NEK6: variants seen among roughly 807,000 people sequenced by gnomAD.
NEK6 encodes serine/threonine-protein kinase Nek6.
NEK6 carries 27 observed loss-of-function variants against 43.5 expected under a neutral mutation model. The ratio of observed to expected loss-of-function variants is 0.62; its 90% CI spans 0.46 to 0.86. NEK6 has a LOEUF of 0.86. NEK6 is among the 40% of genes least tolerant of loss of function. The probability of loss-of-function intolerance (pLI) is 0.00; values close to 1 mark genes in which losing one functional copy is unlikely to be tolerated. For synonymous variants in NEK6, 167 were observed against 164.1 expected (o/e 1.02, Z -0.14); for missense variants, 318 against 414.4 (o/e 0.77, Z 2.02).
chr9:124,300,781 A>G (rs1373774906), intron 1 of NEK6, among the ~76,000 whole-genome samples: 1 of 149,028 alleles, frequency 6.7e-6, no homozygotes, highest in African/African-American at 2.5e-5. Context: ...CAGCTGTTGA[A>G]TAAGGGCCAC....
chr9:124,310,034 G>T (rs1833451816), intron 2 of NEK6, among the ~76,000 whole-genome samples: 1 of 152,202 alleles, frequency 6.6e-6, no homozygotes, highest in Non-Finnish European at 1.5e-5. Context: ...AGCAGGAAGT[G>T]GCAGGCCTGG....
rs1024712965 is a variant in NEK6 at position 124,321,856 on chromosome 9, C to T, written c.405+287C>T. Among the ~76,000 whole-genome samples the T allele has an allele frequency of 4.2e-4, 64 of 152,206 alleles. 1 individual carries two copies. Among genetic ancestry groups the T allele is most frequent in the Admixed American group, 4.2e-3 (64 of 15,288 alleles). ...TGCAAAAGCAAGGCGAAGGTGGTGCCAAGACAGGATGGTGGCTGGGAGGGG... is the reference window on the plus strand; with the variant it reads ...TGCAAAAGCAAGGCGAAGGTGGTGCTAAGACAGGATGGTGGCTGGGAGGGG... On this transcript the variant is annotated intron_variant, in intron 5 of 9. Coordinates refer to ENST00000320246, the MANE Select transcript of NEK6 (RefSeq NM_014397.6).
intron 1 of NEK6, among the ~76,000 whole-genome samples, chr9:124,287,886 G>A (rs1438563114): frequency 6.6e-6 from 1 of 152,204 alleles, no homozygotes; most frequent in African/African-American, 2.4e-5. Context: ...CATGAGCCCT[G>A]TGATCATGAG....
At chr9:124,309,688 C>CT (rs879423397) in intron 2 of NEK6, among the ~76,000 whole-genome samples, 1 of 152,228 alleles carries the variant, frequency 6.6e-6, no homozygotes, top group African/African-American at 2.4e-5. Flanking sequence ...TAGTAGGCGT[C>CT]TAACGTACAA....
At chr9:124,281,353 C>G (rs1403152466) in intron 1 of NEK6, among the ~76,000 whole-genome samples, 1 of 152,216 alleles carries the variant, frequency 6.6e-6, no homozygotes, top group East Asian at 1.9e-4. Context: ...AGCACAGTGG[C>G]CTGAGTCCAC....
intron 1 of NEK6, among the ~76,000 whole-genome samples, chr9:124,294,353 T>C (rs894273346): frequency 2.0e-5 from 3 of 152,148 alleles, no homozygotes; most frequent in African/African-American, 4.8e-5. Context: ...AGTTTCTTTC[T>C]GTAATTGCTC....
chr9:124,257,929 G>A (rs1179803985), upstream of NEK6: 4 of 975,290 alleles, frequency 4.1e-6, no homozygotes, highest in African/African-American at 3.5e-5. Flanking sequence ...GCGGGCGCGC[G>A]GGCGCGCGGG....
chr9:124,339,803 G>A, intron 8 of NEK6, 138 bp downstream of exon 8: 1 of 679,322 alleles, frequency 1.5e-6, no homozygotes, highest in Admixed American at 2.1e-5. Context: ...TACCACCAGG[G>A]CCCTGTCCTT....
rs1018924197 is a variant in NEK6, at chr9:124,324,745, G to T, written c.406-1585G>T. ...CTCGAGGGGATTTACGGCGAGGTCA[G>T]GGGCTCCCCACTGCGACTGTCCCAC... On this transcript the variant is annotated intron_variant, in intron 5 of 9. Coordinates refer to ENST00000320246, the MANE Select transcript of NEK6 (RefSeq NM_014397.6). This position sits in a 1 kb window ranked among gnomAD's most constrained non-coding sequence, Gnocchi z 5.3. Among the ~76,000 whole-genome samples, 1 of 152,152 alleles carries T rather than the reference G, an allele frequency of 6.6e-6. No individual in the cohort carries two copies.
At chr9:124,281,278 G>A (rs1831890762) in intron 1 of NEK6, among the ~76,000 whole-genome samples, 2 of 152,168 alleles carry the variant, frequency 1.3e-5, no homozygotes, top group South Asian at 2.1e-4. Flanking sequence ...CCCCCTTTTT[G>A]TACTCATAGG....
chr9:124,327,879 A>G (rs1372180867), intron 7 of NEK6, among the ~76,000 whole-genome samples: 1 of 152,104 alleles, frequency 6.6e-6, no homozygotes, highest in Non-Finnish European at 1.5e-5. Context: ...CCTGCCAGGG[A>G]GGAGGTGACA....
chr9:124,345,268 G>A (rs1206239633), intron 8 of NEK6, among the ~76,000 whole-genome samples: 1 of 152,222 alleles, frequency 6.6e-6, no homozygotes, highest in Non-Finnish European at 1.5e-5. Flanking sequence ...AGGAGATCTC[G>A]CCGTCCAGGG....
chr9:124,289,809 A>G (rs1832327349), intron 1 of NEK6, among the ~76,000 whole-genome samples: 1 of 152,226 alleles, frequency 6.6e-6, no homozygotes, highest in South Asian at 2.1e-4. Flanking sequence ...TGTGGAGTCC[A>G]ACCCACTCAT....
intron 1 of NEK6, 61 bp downstream of exon 1, chr9:124,258,146 G>A (rs1169827713): frequency 3.1e-6 from 3 of 977,578 alleles, no homozygotes; most frequent in African/African-American, 1.8e-5. Context: ...AAGGGCGGGG[G>A]CCGGGCGGCG....
At chr9:124,288,903 T>G (rs1832276423) in intron 1 of NEK6, among the ~76,000 whole-genome samples, 1 of 152,166 alleles carries the variant, frequency 6.6e-6, no homozygotes, top group Non-Finnish European at 1.5e-5. Context: ...GCCCCCTTCA[T>G]TGCCCCACGT....
chr9:124,275,029 G>A lies in NEK6; in HGVS notation c.-30+16944G>A, dbSNP rs1213726003. ...ACCTGAGCAGGGACCCCAGGGGCAC[G>A]AGCTCTGCTTAGTTCTTGTGATTAG... On this transcript the variant is annotated intron_variant, in intron 1 of 9. Coordinates refer to ENST00000320246, the MANE Select transcript of NEK6 (RefSeq NM_014397.6). This position sits in a 1 kb window ranked among gnomAD's most constrained non-coding sequence, Gnocchi z 4.4. Among the ~76,000 whole-genome samples, 2 of 152,146 alleles carry A rather than the reference G, an allele frequency of 1.3e-5. No individual in the cohort carries two copies. The highest frequency in any genetic ancestry group is 4.1e-4 in the South Asian group (2 of 4,830).
At position 124,301,815 on chromosome 9, in the gene NEK6, G is replaced by T. The variant is rs1024177053; in HGVS notation, c.-29-121G>T. 1.1e-5 allele frequency: 9 copies of T among 795,688 alleles called. No homozygotes were observed. In the African/African-American group the frequency reaches 1.5e-4, roughly 14 times the overall value. The allele number at this position is 795,688 out of a possible 1,614,324, so 49.3% of individuals were successfully genotyped here. A position where few individuals can be genotyped will look rare whatever the true frequency, so the allele number is the denominator to read the frequency against. On this transcript the variant is annotated intron_variant, in intron 1 of 9. Transcript: ENST00000320246. Reference sequence around the variant, plus strand: ...CCACTTCGGAGCTGGGTGACCGTGGGCAAATTACTGAACGGCTTTGCACCT... The same window carrying T: ...CCACTTCGGAGCTGGGTGACCGTGGTCAAATTACTGAACGGCTTTGCACCT...
rs745534808 is a variant in NEK6 at position 124,313,916 on chromosome 9, G to A, written c.232-7G>A. The A allele has an allele frequency of 6.9e-5, 112 of 1,614,030 alleles. No homozygotes were observed. The highest frequency in any genetic ancestry group is 9.1e-5 in the Non-Finnish European group (107 of 1,179,938). ...CCACTCTATTTCTCTTTTTCCTCCC[G>A]CCCAAGATCTTTGAGATGATGGACG... is the stretch of plus-strand genomic sequence containing the variant. On this transcript the variant is annotated splice_region_variant and splice_polypyrimidine_tract_variant and intron_variant, in intron 3 of 9. Coordinates refer to ENST00000320246, the MANE Select transcript of NEK6 (RefSeq NM_014397.6).
intron 2 of NEK6, among the ~76,000 whole-genome samples, chr9:124,311,102 G>A (rs1023614404): frequency 2.0e-5 from 3 of 152,208 alleles, no homozygotes; most frequent in Non-Finnish European, 4.4e-5. Context: ...CTGAGACGCA[G>A]CTGGTCCGGC....
Sources: allele counts gnomAD v4.1 joint callset (sites outside exome capture counted in the v4.1 genomes callset), GRCh38; gene constraint gnomAD v4.1.1; non-coding constraint Gnocchi (gnomAD v3.1); transcripts MANE v1.5; gene names NCBI Gene and HGNC (gene_info 2026-07-23, HGNC 2026-07-21).